Variants in GRM8 observed in about 807,000 individuals in gnomAD.
GRM8 encodes the protein glutamate metabotropic receptor 8.
Under a neutral mutation model 87.2 loss-of-function variants are expected in GRM8, and 47 were observed. That is an observed-to-expected ratio of 0.54 (90% CI 0.43 to 0.69). The LOEUF (loss-of-function observed/expected upper bound fraction) is 0.69. Ranked by LOEUF, GRM8 falls within the 30% of genes least tolerant of loss-of-function variation. The pLI is 0.00. For missense variants in GRM8, 1,019 were observed against 1,139.2 expected (o/e 0.89, Z 1.52); for synonymous variants, 396 against 404.5 (o/e 0.98, Z 0.25).
chr7:126,946,298 T>C (rs1807530380), intron 3 of GRM8, among the ~76,000 whole-genome samples: 1 of 152,126 alleles, frequency 6.6e-6, no homozygotes, highest in African/African-American at 2.4e-5. Flanking sequence ...GTCCAGGAGT[T>C]CAAGACCAGC....
At chr7:126,752,915 G>A (rs542844904) in intron 7 of GRM8, among the ~76,000 whole-genome samples, 19 of 152,178 alleles carry the variant, frequency 1.2e-4, no homozygotes, top group African/African-American at 4.6e-4. Context: ...ACATTTTGTA[G>A]TTGCTTGTTA....
chr7:126,956,287 T>C (rs117181583), intron 3 of GRM8, among the ~76,000 whole-genome samples: 22 of 152,332 alleles, frequency 1.4e-4, no homozygotes, highest in Non-Finnish European at 2.9e-4. Context: ...AAAAAGATCA[T>C]GTATTGTGGA....
At chr7:127,071,171 A>G (rs1490236655) in intron 3 of GRM8, among the ~76,000 whole-genome samples, 1 of 152,216 alleles carries the variant, frequency 6.6e-6, no homozygotes, top group Non-Finnish European at 1.5e-5. Flanking sequence ...ATGTAGTTTA[A>G]GCAAATGTCC....
At chr7:127,073,097 C>A (rs562160925) in intron 3 of GRM8, among the ~76,000 whole-genome samples, 1 of 152,234 alleles carries the variant, frequency 6.6e-6, no homozygotes, top group East Asian at 1.9e-4. Context: ...GTAGGAAGAA[C>A]GCCTTCCTCT....
chr7:126,730,451 T>C (rs1813464831), intron 7 of GRM8, among the ~76,000 whole-genome samples: 4 of 152,136 alleles, frequency 2.6e-5, no homozygotes. Context: ...CAGAAATCAC[T>C]GTAGCATATC....
At chr7:126,805,108 G>A (rs896647754) in intron 6 of GRM8, among the ~76,000 whole-genome samples, 1 of 151,968 alleles carries the variant, frequency 6.6e-6, no homozygotes, top group African/African-American at 2.4e-5. Flanking sequence ...ATAATAATAC[G>A]CCTAGAAAGC....
At chr7:127,032,171 A>G (rs935169071) in intron 3 of GRM8, among the ~76,000 whole-genome samples, 3 of 152,104 alleles carry the variant, frequency 2.0e-5, no homozygotes, top group African/African-American at 7.2e-5. Context: ...AATATATTTC[A>G]TGGTTCAGCA....
In GRM8 at chr7:127,239,772, T is replaced by C. The variant is rs199984317; in HGVS notation, c.510+2923A>G. The stretch of plus-strand genomic sequence containing the variant: ...AATGGAGTGCTTCCTGAAAGTCACA[T>C]AAAAATCAAACTAAAGTAGCATAAG... On this transcript the variant is annotated intron_variant, in intron 2 of 10. Coordinates refer to ENST00000339582, the MANE Select transcript of GRM8 (RefSeq NM_000845.3). Among the ~76,000 whole-genome samples the C allele has an allele frequency of 2.0e-5, 3 of 152,180 alleles. No homozygotes were observed. In the East Asian group the frequency reaches 5.8e-4, roughly 29 times the overall value.
intron 3 of GRM8, among the ~76,000 whole-genome samples, chr7:126,969,689 G>T (rs2131752843): frequency 6.6e-6 from 1 of 152,184 alleles, no homozygotes; most frequent in Middle Eastern, 3.4e-3. Flanking sequence ...TGTTAATGTT[G>T]CTATTTTTAC....
At chr7:127,022,767 T>A (rs1300374575) in intron 3 of GRM8, among the ~76,000 whole-genome samples, 2 of 152,168 alleles carry the variant, frequency 1.3e-5, no homozygotes, top group Non-Finnish European at 2.9e-5. Context: ...CTGTACATTT[T>A]GTTTCACCAA....
chr7:126,787,326 G>A (rs181789717), intron 6 of GRM8, among the ~76,000 whole-genome samples: 1 of 152,142 alleles, frequency 6.6e-6, no homozygotes, highest in African/African-American at 2.4e-5. Flanking sequence ...CAGATTTCTG[G>A]GAGTCAACAA....
intron 9 of GRM8, among the ~76,000 whole-genome samples, chr7:126,473,271 T>A (rs1156576616): frequency 6.6e-6 from 1 of 152,128 alleles, no homozygotes; most frequent in Non-Finnish European, 1.5e-5. Context: ...TGCAAAGCCA[T>A]AGGGACAAAA....
intron 8 of GRM8, among the ~76,000 whole-genome samples, chr7:126,587,879 C>A (rs1014976117): frequency 2.1e-5 from 3 of 145,986 alleles, no homozygotes; most frequent in Admixed American, 6.9e-5. Context: ...GAAGAGTTTA[C>A]TAAATTTATG....
In GRM8 at chr7:127,252,264, C is replaced by G. The variant is rs1019628621; in HGVS notation, c.-312+533G>C. 1 of 152,298 alleles carries G rather than the reference C, an allele frequency of 6.6e-6. No individual in the cohort carries two copies. The highest frequency in any genetic ancestry group is 1.5e-5 in the Non-Finnish European group (1 of 68,124). 9.4% of individuals were successfully genotyped at this position (152,298 alleles called of 1,614,324 possible). On this transcript the variant is annotated intron_variant, in intron 1 of 10. Transcript: ENST00000339582. This position sits in a 1 kb window ranked among gnomAD's most constrained non-coding sequence, Gnocchi z 4.9. The stretch of plus-strand genomic sequence containing the variant: ...GTCAGAGCGCCGAGCGCGCCTGCCC[C>G]CTTCCCGTCACCCTTCAGTCTCCCA...
chr7:126,629,243 C>G (rs1437318046), intron 7 of GRM8, among the ~76,000 whole-genome samples: 1 of 152,196 alleles, frequency 6.6e-6, no homozygotes, highest in Non-Finnish European at 1.5e-5. Context: ...GATTTTACAT[C>G]AGTCAACCTT....
At chr7:127,183,860 C>T (rs898899453) in intron 2 of GRM8, among the ~76,000 whole-genome samples, 8 of 151,780 alleles carry the variant, frequency 5.3e-5, no homozygotes, top group Admixed American at 3.3e-4. Context: ...CTACTGATCA[C>T]ATGGACATTA....
chr7:127,068,158 A>G (rs1192144201), intron 3 of GRM8, among the ~76,000 whole-genome samples: 1 of 152,028 alleles, frequency 6.6e-6, no homozygotes, highest in African/African-American at 2.4e-5. Flanking sequence ...TATTAATGAA[A>G]CTCTTTTATG....
intron 9 of GRM8, among the ~76,000 whole-genome samples, chr7:126,474,003 A>T (rs185294685): frequency 1.3e-5 from 2 of 152,200 alleles, no homozygotes; most frequent in East Asian, 1.9e-4. Context: ...ACCCAGTCTC[A>T]GATATTTCTT....
At chr7:126,938,772 T>C (rs1001365788) in intron 3 of GRM8, among the ~76,000 whole-genome samples, 73 of 152,324 alleles carry the variant, frequency 4.8e-4, no homozygotes, top group African/African-American at 1.8e-3. Flanking sequence ...CATAAAGTTA[T>C]CTGAATTGAT....
Sources: gnomAD v4.1 joint callset for allele counts (sites outside exome capture counted in the v4.1 genomes callset) on GRCh38, gnomAD v4.1.1 for gene constraint, Gnocchi (gnomAD v3.1) non-coding constraint, MANE v1.5 for transcripts, NCBI Gene and HGNC (gene_info 2026-07-23, HGNC 2026-07-21) for gene names.